Variants in BCAS3 observed in about 807,000 individuals in gnomAD.
BCAS3 encodes the protein BCAS4/BCAS3 fusion.
Under a neutral mutation model 116.1 loss-of-function variants are expected in BCAS3, and 53 were observed. That is an observed-to-expected ratio of 0.46 (90% CI 0.37 to 0.57). The LOEUF (loss-of-function observed/expected upper bound fraction) is 0.57. Ranked by LOEUF, BCAS3 falls within the 20% of genes least tolerant of loss-of-function variation. BCAS3 has a pLI of 0.00. For synonymous variants in BCAS3, 391 were observed against 408.2 expected (o/e 0.96, Z 0.51); for missense variants, 917 against 1,165.4 (o/e 0.79, Z 3.10).
In BCAS3 at chr17:61,368,253, G is replaced by A. The variant is rs1568953543; in HGVS notation, c.2426-74G>A. 3.4e-6 allele frequency: 5 copies of A among 1,472,968 alleles called. No individual in the cohort carries two copies. In the Admixed American group the frequency reaches 7.8e-5, roughly 23 times the overall value. The allele number at this position is 1,472,968 out of a possible 1,614,324, so 91.2% of individuals were successfully genotyped here. ...TGGACCCTGGGTATGGAGAGGAGCGGGTGGGAGGTAGACAAGAATGGCCTG... is the reference window on the plus strand; with the variant it reads ...TGGACCCTGGGTATGGAGAGGAGCGAGTGGGAGGTAGACAAGAATGGCCTG... On this transcript the variant is annotated intron_variant, in intron 22 of 23. Transcript: ENST00000407086. The surrounding 1 kb of genome is among the most constrained non-coding windows in gnomAD (Gnocchi z 6.0).
At chr17:60,926,555 G>A (rs1029579593) in intron 13 of BCAS3, among the ~76,000 whole-genome samples, 8 of 152,050 alleles carry the variant, frequency 5.3e-5, no homozygotes, top group Non-Finnish European at 8.8e-5. Context: ...ATTAATAAAG[G>A]CAAGATTTAT....
At chr17:60,797,690 C>G (rs757361655) in intron 6 of BCAS3, among the ~76,000 whole-genome samples, 1 of 152,094 alleles carries the variant, frequency 6.6e-6, no homozygotes, top group Non-Finnish European at 1.5e-5. Flanking sequence ...CCTAGCCCCC[C>G]ACCTCCCGAC....
chr17:61,149,638 A>G (rs1200373065), intron 22 of BCAS3, among the ~76,000 whole-genome samples: 2 of 152,180 alleles, frequency 1.3e-5, no homozygotes, highest in African/African-American at 2.4e-5. Flanking sequence ...GATTCCAGCA[A>G]ATGTAGGATT....
At chr17:60,755,223 C>T (rs2042888741) in intron 6 of BCAS3, among the ~76,000 whole-genome samples, 3 of 152,020 alleles carry the variant, frequency 2.0e-5, no homozygotes, top group South Asian at 2.1e-4. Context: ...GTTATTAGGG[C>T]GTTTTTCTAT....
At chr17:60,801,653 C>A (rs1172101625) in intron 6 of BCAS3, among the ~76,000 whole-genome samples, 1 of 152,092 alleles carries the variant, frequency 6.6e-6, no homozygotes, top group Non-Finnish European at 1.5e-5. Flanking sequence ...CTGGAGCAAC[C>A]ACTTGAATTC....
At position 61,108,283 on chromosome 17, in the gene BCAS3, A is replaced by T. The variant is rs112698082; in HGVS notation, c.2425+23719A>T. Reference sequence around the variant, plus strand: ...GTGATATATCTTTTTCTAACATTTTAGTTTCAGTGTGTCTGTATCATTATA... The same window carrying T: ...GTGATATATCTTTTTCTAACATTTTTGTTTCAGTGTGTCTGTATCATTATA... On this transcript the variant is annotated intron_variant, in intron 22 of 23. Transcript: ENST00000407086. 1.3e-3 allele frequency among the ~76,000 whole-genome samples: 195 copies of T among 152,052 alleles called. 1 individual carries two copies. Among genetic ancestry groups the T allele is most frequent in the African/African-American group, 4.0e-3 (166 of 41,486 alleles).
At position 61,041,753 on chromosome 17, in the gene BCAS3, ATATTT is replaced by A. The variant is rs1171942881; in HGVS notation, c.2029+865_2029+869del. 2.0e-5 allele frequency among the ~76,000 whole-genome samples: 3 copies of A among 152,052 alleles called. No homozygotes were observed. Among genetic ancestry groups the A allele is most frequent in the Admixed American group, 6.6e-5 (1 of 15,258 alleles). On this transcript the variant is annotated intron_variant, in intron 19 of 23. Coordinates refer to ENST00000407086, the MANE Select transcript of BCAS3 (RefSeq NM_017679.5). The surrounding 1 kb of genome is among the most constrained non-coding windows in gnomAD (Gnocchi z 4.7). The stretch of plus-strand genomic sequence containing the variant: ...GCTATATATTATACTGGAAACAGAA[ATATTT>A]TATAGACTTTGCTCTCAAGTTATGA...
chr17:61,182,331 C>T (rs888655538), intron 22 of BCAS3, among the ~76,000 whole-genome samples: 24 of 151,912 alleles, frequency 1.6e-4, no homozygotes, highest in African/African-American at 5.3e-4. Context: ...TTTGTGATAA[C>T]GGTTTTTTTT....
intron 22 of BCAS3, among the ~76,000 whole-genome samples, chr17:61,335,448 G>A (rs1181755093): frequency 3.9e-5 from 6 of 152,302 alleles, no homozygotes; most frequent in South Asian, 2.1e-4. Context: ...CAGCAATGAC[G>A]CCAAGATGCC....
At chr17:60,859,521 G>A (rs1251494262) in intron 7 of BCAS3, among the ~76,000 whole-genome samples, 2 of 151,798 alleles carry the variant, frequency 1.3e-5, no homozygotes, top group African/African-American at 2.4e-5. Context: ...CAAAGGACAC[G>A]ATTTTGTTCT....
rs541143773 is a variant in BCAS3 at position 61,141,833 on chromosome 17, G to A, written c.2425+57269G>A. Among the ~76,000 whole-genome samples the A allele has an allele frequency of 7.2e-4, 108 of 150,870 alleles. 1 individual carries two copies. In the Middle Eastern group the frequency reaches 0.017, roughly 24 times the overall value. ...GGAGAATCGCTTGAACCCAGGAGGCGGAGGTTGCAGTGAGCCGAGATCGCG... is the reference window on the plus strand; with the variant it reads ...GGAGAATCGCTTGAACCCAGGAGGCAGAGGTTGCAGTGAGCCGAGATCGCG... On this transcript the variant is annotated intron_variant, in intron 22 of 23. Coordinates refer to ENST00000407086, the MANE Select transcript of BCAS3 (RefSeq NM_017679.5). The surrounding 1 kb of genome is among the most constrained non-coding windows in gnomAD (Gnocchi z 4.3).
At chr17:61,045,879 A>AAAAGCAATACTGGCGCCAGT (rs2068054838) in intron 19 of BCAS3, among the ~76,000 whole-genome samples, 1 of 46,144 alleles carries the variant, frequency 2.2e-5, no homozygotes, top group Non-Finnish European at 3.1e-5. Context: ...ATATATAAAT[A>AAAAGCAATACTGGCGCCAGT]TATATTATAT....
chr17:61,053,671 A>T (rs1156662904), intron 19 of BCAS3, among the ~76,000 whole-genome samples: 1 of 152,192 alleles, frequency 6.6e-6, no homozygotes, highest in Non-Finnish European at 1.5e-5. Flanking sequence ...ATTGTCCATA[A>T]TAAATATTTG....
intron 22 of BCAS3, among the ~76,000 whole-genome samples, chr17:61,201,899 C>T (rs573240365): frequency 4.8e-4 from 72 of 151,268 alleles, no homozygotes; most frequent in African/African-American, 1.6e-3. Flanking sequence ...GCTGGGATTA[C>T]GGGAATGTGA....
At position 61,128,117 on chromosome 17, in the gene BCAS3, C is replaced by T; in HGVS notation, c.2425+43553C>T. On this transcript the variant is annotated intron_variant, in intron 22 of 23. Transcript: ENST00000407086. This position sits in a 1 kb window ranked among gnomAD's most constrained non-coding sequence, Gnocchi z 4.1. ...AGTTTGGCTTTTCTTTTAAAGAACC[C>T]ATTCATTTTAGAGATTCCTTGATAC... 1 of 902,142 alleles carries T rather than the reference C, an allele frequency of 1.1e-6. No homozygotes were observed. The highest frequency in any genetic ancestry group is 1.8e-5 in the African/African-American group (1 of 55,492). 55.9% of individuals were successfully genotyped at this position (902,142 alleles called of 1,614,324 possible). A position where few individuals can be genotyped will look rare whatever the true frequency, so the allele number is the denominator to read the frequency against.
At chr17:61,240,161 C>T (rs1489996301) in intron 22 of BCAS3, among the ~76,000 whole-genome samples, 1 of 152,162 alleles carries the variant, frequency 6.6e-6, no homozygotes, top group African/African-American at 2.4e-5. Flanking sequence ...AATGCCTGCT[C>T]TATCATAGGC....
intron 4 of BCAS3, among the ~76,000 whole-genome samples, chr17:60,690,625 T>C (rs1291696054): frequency 2.0e-5 from 3 of 150,894 alleles, no homozygotes; most frequent in Admixed American, 1.3e-4. Flanking sequence ...AAATCATTTA[T>C]AAAAGGCTGG....
intron 10 of BCAS3, among the ~76,000 whole-genome samples, chr17:60,900,936 T>C (rs2057851208): frequency 6.6e-6 from 1 of 151,996 alleles, no homozygotes; most frequent in South Asian, 2.1e-4. Context: ...GGGCTGGGCG[T>C]GGTGGCTCAC....
At chr17:61,292,283 T>C (rs2052491348) in intron 22 of BCAS3, among the ~76,000 whole-genome samples, 1 of 152,150 alleles carries the variant, frequency 6.6e-6, no homozygotes, top group Admixed American at 6.5e-5. Flanking sequence ...CAGCAGCTCT[T>C]GTATTTTTCT....
Sources: allele counts gnomAD v4.1 joint callset (sites outside exome capture counted in the v4.1 genomes callset), GRCh38; gene constraint gnomAD v4.1.1; non-coding constraint Gnocchi (gnomAD v3.1); transcripts MANE v1.5; gene names NCBI Gene and HGNC (gene_info 2026-07-23, HGNC 2026-07-21).